GALNTL6: variants seen among roughly 807,000 people sequenced by gnomAD.
GALNTL6 encodes polypeptide N-acetylgalactosaminyltransferase like 6, also known as polypeptide N-acetylgalactosaminyltransferase-like 6.
GALNTL6 carries 46 observed loss-of-function variants against 73.7 expected under a neutral mutation model. The ratio of observed to expected loss-of-function variants is 0.62; its 90% CI spans 0.49 to 0.80. The LOEUF is 0.80. Ranked by LOEUF, GALNTL6 falls within the 30% of genes least tolerant of loss-of-function variation. The pLI, the probability that GALNTL6 is intolerant of heterozygous loss-of-function variation, is 0.00. For synonymous variants in GALNTL6, 259 were observed against 263.7 expected (o/e 0.98, Z 0.17); for missense variants, 604 against 755.0 (o/e 0.80, Z 2.34).
chr4:172,060,422 T>C (rs1230962219), intron 2 of GALNTL6, among the ~76,000 whole-genome samples: 1 of 152,222 alleles, frequency 6.6e-6, no homozygotes, highest in East Asian at 1.9e-4. Context: ...AATAATTGTA[T>C]ACTTTAATTG....
intron 2 of GALNTL6, among the ~76,000 whole-genome samples, chr4:171,949,723 T>C (rs1738812117): frequency 6.6e-6 from 1 of 151,798 alleles, no homozygotes; most frequent in Non-Finnish European, 1.5e-5. Context: ...AATTAATGAA[T>C]CACACAATGA....
At chr4:172,474,156 G>A (rs1189901403) in intron 5 of GALNTL6, among the ~76,000 whole-genome samples, 2 of 152,060 alleles carry the variant, frequency 1.3e-5, no homozygotes, top group Non-Finnish European at 2.9e-5. Context: ...CCTAAGCCTA[G>A]AGTGCTCTTT....
At chr4:172,757,617 C>T (rs1246623173) in intron 5 of GALNTL6, among the ~76,000 whole-genome samples, 1 of 152,206 alleles carries the variant, frequency 6.6e-6, no homozygotes, top group African/African-American at 2.4e-5. Flanking sequence ...AATGCAAGAT[C>T]ATCTTTCAAA....
chr4:172,022,179 G>T (rs1311889787), intron 2 of GALNTL6, among the ~76,000 whole-genome samples: 1 of 151,870 alleles, frequency 6.6e-6, no homozygotes, highest in Non-Finnish European at 1.5e-5. Flanking sequence ...TATTTGCAAG[G>T]TACCTATCTG....
At chr4:172,485,022 T>A (rs1394256527) in intron 5 of GALNTL6, among the ~76,000 whole-genome samples, 3 of 152,162 alleles carry the variant, frequency 2.0e-5, no homozygotes, top group African/African-American at 7.2e-5. Context: ...ATAGAATTGA[T>A]TTTATTTCAT....
At chr4:172,852,905 T>TCA (rs1743912839) in intron 7 of GALNTL6, among the ~76,000 whole-genome samples, 1 of 152,014 alleles carries the variant, frequency 6.6e-6, no homozygotes, top group South Asian at 2.1e-4. Flanking sequence ...CAAGGAAAAA[T>TCA]CACATAAAAA....
rs116200695 is a variant in GALNTL6, at chr4:172,167,440, G to A, written c.139-62216G>A. On this transcript the variant is annotated intron_variant, in intron 2 of 12. Coordinates refer to ENST00000506823, the MANE Select transcript of GALNTL6 (RefSeq NM_001034845.3). ...AAGTCTTGTTAAAACAAAATTCAGC[G>A]AAAGTTGTTGCTTACCTGCTTAGAG... is the stretch of plus-strand genomic sequence containing the variant. Among the ~76,000 whole-genome samples the A allele has an allele frequency of 6.7e-3, 1,020 of 152,288 alleles. 17 individuals carry two copies. The highest frequency in any genetic ancestry group is 0.023 in the African/African-American group (967 of 41,566).
At chr4:172,830,567 G>A (rs1299870266) in intron 7 of GALNTL6, among the ~76,000 whole-genome samples, 9 of 152,214 alleles carry the variant, frequency 5.9e-5, no homozygotes, top group Non-Finnish European at 1.3e-4. Flanking sequence ...AGGGAATCAA[G>A]AGGAATAACA....
chr4:172,981,219 G>A (rs754788334), intron 10 of GALNTL6, among the ~76,000 whole-genome samples: 17 of 152,194 alleles, frequency 1.1e-4, no homozygotes, highest in Non-Finnish European at 1.9e-4. Flanking sequence ...ACACCTAGTA[G>A]TGGAATTGCT....
At chr4:171,870,457 T>G (rs2110893791) in intron 2 of GALNTL6, among the ~76,000 whole-genome samples, 1 of 152,320 alleles carries the variant, frequency 6.6e-6, no homozygotes, top group South Asian at 2.1e-4. Flanking sequence ...CTATCTAGCT[T>G]GAACTACTAT....
intron 10 of GALNTL6, among the ~76,000 whole-genome samples, chr4:172,956,419 G>A (rs1221575644): frequency 6.6e-6 from 1 of 152,186 alleles, no homozygotes; most frequent in Non-Finnish European, 1.5e-5. Flanking sequence ...TAATTAGAGA[G>A]TGCCTAAGGA....
At chr4:172,157,415 A>G (rs1734320458) in intron 2 of GALNTL6, among the ~76,000 whole-genome samples, 1 of 152,100 alleles carries the variant, frequency 6.6e-6, no homozygotes, top group African/African-American at 2.4e-5. Flanking sequence ...CCTGCACTCT[A>G]TCTTCCTTTT....
At position 172,357,634 on chromosome 4, in the gene GALNTL6, T is replaced by TATACACAC. The variant is rs138075846; in HGVS notation, c.553+8946_553+8947insTACACACA. Among the ~76,000 whole-genome samples, 752 of 145,828 alleles carry TATACACAC rather than the reference T, an allele frequency of 5.2e-3. 8 individuals carry two copies. The highest frequency in any genetic ancestry group is 0.017 in the African/African-American group (650 of 38,372). Reference sequence around the variant, plus strand: ...ATATATGTATATATATATAGATATATACACACACACACACACACACACACA... The same window carrying TATACACAC: ...ATATATGTATATATATATAGATATATATACACACACACACACACACACACACACACACA... On this transcript the variant is annotated intron_variant, in intron 5 of 12. Coordinates refer to ENST00000506823, the MANE Select transcript of GALNTL6 (RefSeq NM_001034845.3).
intron 12 of GALNTL6, among the ~76,000 whole-genome samples, chr4:173,037,747 A>ATTTTT (rs1262218886): frequency 7.0e-6 from 1 of 143,596 alleles, no homozygotes; most frequent in African/African-American, 2.5e-5. Flanking sequence ...CCACATGAGC[A>ATTTTT]TTTTTTTTTT....
rs946570314 is a variant in GALNTL6 at position 172,082,808 on chromosome 4, A to G, written c.139-146848A>G. On this transcript the variant is annotated intron_variant, in intron 2 of 12. Coordinates refer to ENST00000506823, the MANE Select transcript of GALNTL6 (RefSeq NM_001034845.3). Reference sequence around the variant, plus strand: ...ACTAGGTTGGGTTGAGGATGGAATGAAAAATGAGAAAGGAGACATCTATGA... The same window carrying G: ...ACTAGGTTGGGTTGAGGATGGAATGGAAAATGAGAAAGGAGACATCTATGA... 2.0e-5 allele frequency among the ~76,000 whole-genome samples: 3 copies of G among 152,210 alleles called. No homozygotes were observed. The East Asian group carries it at 5.8e-4, about 29-fold the overall frequency.
At chr4:172,094,752 C>A (rs1046662474) in intron 2 of GALNTL6, among the ~76,000 whole-genome samples, 2 of 152,094 alleles carry the variant, frequency 1.3e-5, no homozygotes, top group African/African-American at 4.8e-5. Context: ...TTCACTATTA[C>A]ACTAAGATTA....
intron 11 of GALNTL6, among the ~76,000 whole-genome samples, chr4:173,017,793 A>T (rs1320771671): frequency 6.6e-6 from 1 of 152,256 alleles, no homozygotes; most frequent in Non-Finnish European, 1.5e-5. Flanking sequence ...TCACCTAAGG[A>T]TGCCCTCAGA....
rs576843110 is a variant in GALNTL6 at position 172,164,394 on chromosome 4, A to C, written c.139-65262A>C. Reference sequence around the variant, plus strand: ...CTTAAGATAAATAGAAATAACTGTAAATTTTCATTAGGATGTATTTTATGG... The same window carrying C: ...CTTAAGATAAATAGAAATAACTGTACATTTTCATTAGGATGTATTTTATGG... On this transcript the variant is annotated intron_variant, in intron 2 of 12. Transcript: ENST00000506823. Among the ~76,000 whole-genome samples the C allele has an allele frequency of 1.1e-4, 17 of 152,136 alleles. No homozygotes were observed. In the South Asian group the frequency reaches 3.5e-3, roughly 31 times the overall value.
intron 6 of GALNTL6, among the ~76,000 whole-genome samples, chr4:172,813,255 G>C (rs1278603256): frequency 6.6e-6 from 1 of 152,150 alleles, no homozygotes. Context: ...CTGGGGACAG[G>C]TCAGGGCAAA....
Sources: allele counts gnomAD v4.1 joint callset (sites outside exome capture counted in the v4.1 genomes callset), GRCh38; gene constraint gnomAD v4.1.1; transcripts MANE v1.5; gene names NCBI Gene and HGNC (gene_info 2026-07-23, HGNC 2026-07-21).